Variants in ARHGAP31 observed in about 807,000 individuals in gnomAD.
The protein encoded by ARHGAP31 is rho GTPase-activating protein 31.
A neutral mutation model predicts 113.9 loss-of-function variants in ARHGAP31; 34 were observed. The observed-to-expected ratio is 0.30, with a 90% CI of 0.23 to 0.40. The LOEUF is 0.40. ARHGAP31 is among the 10% of genes least tolerant of loss of function. The pLI is 1.00. For synonymous variants in ARHGAP31, 650 were observed against 684.8 expected (o/e 0.95, Z 0.79); for missense variants, 1,548 against 1,767.1 (o/e 0.88, Z 2.22).
intron 1 of ARHGAP31, among the ~76,000 whole-genome samples, chr3:119,335,718 T>C (rs1353689479): frequency 6.6e-6 from 1 of 152,140 alleles, no homozygotes. Flanking sequence ...TTGGGGGCAG[T>C]GTCTCCACAG....
At chr3:119,403,224 T>C (rs1191433530) in intron 10 of ARHGAP31, among the ~76,000 whole-genome samples, 1 of 152,234 alleles carries the variant, frequency 6.6e-6, no homozygotes, top group Non-Finnish European at 1.5e-5. Context: ...CCTATTAGGT[T>C]GTCAGGCACT....
intron 1 of ARHGAP31, among the ~76,000 whole-genome samples, chr3:119,355,294 A>G (rs2080145383): frequency 6.6e-6 from 1 of 152,186 alleles, no homozygotes; most frequent in Non-Finnish European, 1.5e-5. Context: ...GTCTACAGTT[A>G]TAGAATGGAG....
chr3:119,366,316 T>C (rs542927163), intron 2 of ARHGAP31, among the ~76,000 whole-genome samples: 1 of 152,258 alleles, frequency 6.6e-6, no homozygotes, highest in Non-Finnish European at 1.5e-5. Flanking sequence ...TATGTAAAAT[T>C]TAATAAGTTG....
At chr3:119,387,198 G>A (rs1036647962) in intron 6 of ARHGAP31, among the ~76,000 whole-genome samples, 5 of 152,182 alleles carry the variant, frequency 3.3e-5, no homozygotes, top group African/African-American at 4.8e-5. Context: ...GGTAACGGGC[G>A]TCTTCCCAGA....
intron 1 of ARHGAP31, among the ~76,000 whole-genome samples, chr3:119,306,139 T>A (rs754187256): frequency 4.6e-5 from 7 of 152,238 alleles, no homozygotes; most frequent in Non-Finnish European, 8.8e-5. Flanking sequence ...AGACTAAAAA[T>A]GTAATTCTTG....
At chr3:119,342,124 GT>G (rs1330964346) in intron 1 of ARHGAP31, among the ~76,000 whole-genome samples, 1 of 152,122 alleles carries the variant, frequency 6.6e-6, no homozygotes, top group Non-Finnish European at 1.5e-5. Flanking sequence ...GTCCCTCTCT[GT>G]TTCACAACCT....
intron 2 of ARHGAP31, 146 bp downstream of exon 2, chr3:119,365,564 A>G (rs1577014017): frequency 1.3e-6 from 1 of 742,544 alleles, no homozygotes; most frequent in Non-Finnish European, 2.4e-6. Context: ...TGGTTTTCAG[A>G]TGCCTGACTG....
chr3:119,324,625 G>C (rs567408512), intron 1 of ARHGAP31, among the ~76,000 whole-genome samples: 6 of 152,086 alleles, frequency 3.9e-5, no homozygotes, highest in Non-Finnish European at 8.8e-5. Flanking sequence ...GCTATTAAAA[G>C]AAACAAACAA....
intron 1 of ARHGAP31, among the ~76,000 whole-genome samples, chr3:119,341,036 G>T (rs1407184813): frequency 1.3e-5 from 2 of 152,136 alleles, no homozygotes; most frequent in Non-Finnish European, 2.9e-5. Context: ...TTCTCACCCA[G>T]CGGAGCCTGT....
chr3:119,416,413 T>A lies in ARHGAP31; in HGVS notation c.*149T>A. 1.8e-6 allele frequency: 2 copies of A among 1,115,546 alleles called. No individual in the cohort carries two copies. The allele number at this position is 1,115,546 out of a possible 1,614,324, so 69.1% of individuals were successfully genotyped here. On this transcript the variant is annotated 3_prime_UTR_variant, in exon 12 of 12. Coordinates refer to ENST00000264245, the MANE Select transcript of ARHGAP31 (RefSeq NM_020754.4). ...TTTCTTCAGCCTTTTGACCACTTAT[T>A]AATTAGTCCATTTGCTAGAAGAGTG...
At chr3:119,301,653 T>TA (rs2079586377) in intron 1 of ARHGAP31, among the ~76,000 whole-genome samples, 3 of 150,128 alleles carry the variant, frequency 2.0e-5, no homozygotes, top group Admixed American at 2.0e-4. Flanking sequence ...TGTTTTTTTT[T>TA]ACCAGGAATC....
In ARHGAP31 at chr3:119,390,841, CT is replaced by C; in HGVS notation, c.740del (p.Leu247ArgfsTer2). The C allele has an allele frequency of 6.2e-7, 1 of 1,613,762 alleles. No homozygotes were observed. Among genetic ancestry groups the C allele is most frequent in the Non-Finnish European group, 8.5e-7 (1 of 1,180,042 alleles). On this transcript the variant is annotated frameshift_variant, in exon 7 of 12. Transcript: ENST00000264245. LOFTEE classifies it high-confidence loss of function. ...TLPALSLPMK[L>X]VSLEEAQARS... ...GCCAGCCCTCTCCCTGCCCATGAAGCTGGTGAGCCTTGAGGAAGCTCAAGCC... is the reference window on the plus strand; with the variant it reads ...GCCAGCCCTCTCCCTGCCCATGAAGCGGTGAGCCTTGAGGAAGCTCAAGCC...
chr3:119,358,289 C>A (rs2107619569), intron 1 of ARHGAP31, among the ~76,000 whole-genome samples: 1 of 152,212 alleles, frequency 6.6e-6, no homozygotes, highest in Non-Finnish European at 1.5e-5. Context: ...GAAATGCAAA[C>A]CAAACTGCAA....
Position 119,357,543 on chromosome 3 carries a change from A to G in ARHGAP31, c.101-7773A>G, listed in dbSNP as rs192195447. ...TCTCAGTTTTTAAAAGATAAAATATATTCCCTGTCTGTAGGAACTAAAGAG... is the reference window on the plus strand; with the variant it reads ...TCTCAGTTTTTAAAAGATAAAATATGTTCCCTGTCTGTAGGAACTAAAGAG... On this transcript the variant is annotated intron_variant, in intron 1 of 11. Transcript: ENST00000264245. Among the ~76,000 whole-genome samples the G allele has an allele frequency of 3.3e-3, 496 of 152,352 alleles. 5 individuals carry two copies. Among genetic ancestry groups the G allele is most frequent in the African/African-American group, 9.9e-3 (410 of 41,572 alleles).
At position 119,380,990 on chromosome 3, in the gene ARHGAP31, A is replaced by G; in HGVS notation, c.431+4A>G. 6.2e-7 allele frequency: 1 copy of G among 1,613,832 alleles called. No individual in the cohort carries two copies. The highest frequency in any genetic ancestry group is 1.1e-5 in the South Asian group (1 of 91,078). On this transcript the variant is annotated splice_donor_region_variant and intron_variant, in intron 4 of 11. Transcript: ENST00000264245. ...AGCTTCCTCCATCCCACTATAGGTA[A>G]GAATGGTTGGGAAAAGAAACGTGTG...
intron 1 of ARHGAP31, among the ~76,000 whole-genome samples, chr3:119,340,318 C>T (rs1325079766): frequency 2.0e-5 from 3 of 152,204 alleles, no homozygotes; most frequent in Non-Finnish European, 4.4e-5. Flanking sequence ...AGTAAAAGAG[C>T]TTAGCTGATG....
chr3:119,357,180 A>G (rs1290963581), intron 1 of ARHGAP31, among the ~76,000 whole-genome samples: 2 of 152,254 alleles, frequency 1.3e-5, no homozygotes, highest in Non-Finnish European at 2.9e-5. Context: ...GAGGAGGCAC[A>G]GGAGAGATAA....
chr3:119,297,945 C>CACACACACACACACACACA (rs1559958490), intron 1 of ARHGAP31, among the ~76,000 whole-genome samples: 3 of 150,640 alleles, frequency 2.0e-5, no homozygotes, highest in African/African-American at 4.9e-5. Flanking sequence ...CACACACACA[C>CACACACACACACACACACA]CGTGTATGCA....
chr3:119,345,228 C>A (rs910185360), intron 1 of ARHGAP31, among the ~76,000 whole-genome samples: 4 of 152,240 alleles, frequency 2.6e-5, no homozygotes, highest in African/African-American at 9.6e-5. Context: ...CCTCGTGATC[C>A]ACCCACCTCG....
Sources: gnomAD v4.1 joint callset for allele counts (sites outside exome capture counted in the v4.1 genomes callset) on GRCh38, gnomAD v4.1.1 for gene constraint, MANE v1.5 for transcripts, NCBI Gene and HGNC (gene_info 2026-07-23, HGNC 2026-07-21) for gene names.